Variants in AGK observed in about 807,000 individuals in gnomAD.
AGK encodes the protein acylglycerol kinase, mitochondrial.
In AGK, 52 loss-of-function variants were observed where a neutral mutation model predicts 66.4. The observed-to-expected ratio is 0.78, with a 90% CI of 0.63 to 0.99. The LOEUF is 0.99. Ranked by LOEUF, AGK falls within the 50% of genes least tolerant of loss-of-function variation. The probability of loss-of-function intolerance (pLI) is 0.00; values close to 1 mark genes in which losing one functional copy is unlikely to be tolerated. For missense variants in AGK, 451 were observed against 506.6 expected (o/e 0.89, Z 1.05); for synonymous variants, 182 against 181.1 (o/e 1.00, Z -0.04).
In AGK at chr7:141,578,155, C is replaced by T. The variant is rs186056758; in HGVS notation, c.102-14991C>T. Among the ~76,000 whole-genome samples the T allele has an allele frequency of 5.8e-3, 882 of 151,656 alleles. 12 individuals carry two copies. Among genetic ancestry groups the T allele is most frequent in the African/African-American group, 0.02 (835 of 41,066 alleles). On this transcript the variant is annotated intron_variant, in intron 2 of 15. Transcript: ENST00000649286. ...AGCTTTTTAATCACCTGGGTGCAGG[C>T]GGGCTGAGTCCAAAAAGAGAGTCAG...
At chr7:141,591,010 T>G (rs1796101684) in intron 2 of AGK, among the ~76,000 whole-genome samples, 1 of 151,982 alleles carries the variant, frequency 6.6e-6, no homozygotes, top group South Asian at 2.1e-4. Flanking sequence ...CTGAAAATCT[T>G]TGTTATCAAA....
chr7:141,591,082 G>GTTTT (rs60762855), intron 2 of AGK, among the ~76,000 whole-genome samples: 4 of 61,042 alleles, frequency 6.6e-5, no homozygotes, highest in African/African-American at 1.8e-4. Context: ...TTCTTAAGTT[G>GTTTT]TTTTTTTTTT....
chr7:141,641,768 T>C (rs1359036427), intron 12 of AGK, 43 bp from the exon 13 acceptor site: 9 of 1,516,138 alleles, frequency 5.9e-6, no homozygotes, highest in Middle Eastern at 2.0e-4. Flanking sequence ...GGTGGTGAAA[T>C]GTTAATGGAA....
chr7:141,555,376 A>T lies in AGK; in HGVS notation c.-14-77A>T. On this transcript the variant is annotated intron_variant, in intron 1 of 15. Coordinates refer to ENST00000649286, the MANE Select transcript of AGK (RefSeq NM_018238.4). This position sits in a 1 kb window ranked among gnomAD's most constrained non-coding sequence, Gnocchi z 4.2. ...GAGTGAGAGAGGATAAAAGAATGGA[A>T]GACAGAGTAATAGGGACATTACATG... 1.1e-6 allele frequency: 1 copy of T among 948,496 alleles called. No individual in the cohort carries two copies. The highest frequency in any genetic ancestry group is 2.7e-5 in the East Asian group (1 of 37,598). The allele number at this position is 948,496 out of a possible 1,614,324, so 58.8% of individuals were successfully genotyped here.
At chr7:141,593,053 G>C in intron 2 of AGK, 93 bp from the exon 3 acceptor site, 14 of 1,029,044 alleles carry the variant, frequency 1.4e-5, no homozygotes, top group Non-Finnish European at 2.1e-5. Flanking sequence ...TAGAGAAGAG[G>C]TGCCTATATT....
At chr7:141,582,668 G>A (rs1795905657) in intron 2 of AGK, among the ~76,000 whole-genome samples, 1 of 151,876 alleles carries the variant, frequency 6.6e-6, no homozygotes, top group African/African-American at 2.4e-5. Flanking sequence ...GGGAGAAGTT[G>A]GATAAATAAA....
intron 15 of AGK, 149 bp downstream of exon 15, chr7:141,651,758 T>A (rs1797566858): frequency 1.4e-6 from 1 of 723,288 alleles, no homozygotes; most frequent in Non-Finnish European, 2.4e-6. Context: ...CTGGGTCATA[T>A]TAGCGGGGAG....
At chr7:141,562,127 T>C in intron 2 of AGK, 1 of 455,318 alleles carries the variant, frequency 2.2e-6, no homozygotes, top group Non-Finnish European at 4.4e-6. Flanking sequence ...TGTGCTGGCT[T>C]TCTTGAATGC....
chr7:141,600,088 C>G (rs1796309953), intron 4 of AGK, among the ~76,000 whole-genome samples: 1 of 152,050 alleles, frequency 6.6e-6, no homozygotes, highest in Non-Finnish European at 1.5e-5. Context: ...TATAAAATAT[C>G]CTTAAATTCT....
intron 2 of AGK, among the ~76,000 whole-genome samples, chr7:141,556,486 A>G (rs895191282): frequency 1.3e-5 from 2 of 150,780 alleles, no homozygotes; most frequent in African/African-American, 2.4e-5. Flanking sequence ...GGTTGTGGTG[A>G]TCCCAGATCG....
chr7:141,589,500 G>C lies in AGK; in HGVS notation c.102-3646G>C, dbSNP rs375968355. ...ATGTGTTTGATTTTTAGGAATAGTC[G>C]GGTTCAGATAGCAAGATCAAGATGG... On this transcript the variant is annotated intron_variant, in intron 2 of 15. Transcript: ENST00000649286. Among the ~76,000 whole-genome samples the C allele has an allele frequency of 1.6e-3, 248 of 152,072 alleles. 7 individuals carry two copies. In the South Asian group the frequency reaches 0.039, roughly 24 times the overall value.
At chr7:141,647,892 A>G (rs1395028306) in intron 13 of AGK, among the ~76,000 whole-genome samples, 9 of 152,110 alleles carry the variant, frequency 5.9e-5, no homozygotes, top group Non-Finnish European at 1.5e-5. Context: ...GCTGGTCTCG[A>G]ACTCCTGACC....
intron 2 of AGK, among the ~76,000 whole-genome samples, chr7:141,575,654 C>CT (rs58292692): frequency 0.1 from 5,820 of 58,266 alleles, 999 homozygotes; most frequent in African/African-American, 0.14. Context: ...TTACAAAGGC[C>CT]TTTTTTTTTT....
In AGK at chr7:141,652,855, C is replaced by T. The variant is rs1329087297; in HGVS notation, c.1200C>T (p.Leu400=). ...CGATGCCTGTGGAGGTGAAACTGCT[C>T]CCCAGGAAGCTGCAGTTCTTCTGTG... The part of the protein sequence containing the change: ...YEAMPVEVKL[L]PRKLQFFCDP... Residue 400 remains leucine (L), a synonymous_variant, in exon 16 of 16, where the codon CTC becomes CTT. Coordinates refer to ENST00000649286, the MANE Select transcript of AGK (RefSeq NM_018238.4). The T allele has an allele frequency of 6.2e-6, 10 of 1,613,764 alleles. No individual in the cohort carries two copies. Among genetic ancestry groups the T allele is most frequent in the African/African-American group, 1.3e-5 (1 of 74,834 alleles).
intron 5 of AGK, among the ~76,000 whole-genome samples, chr7:141,606,876 T>A (rs1012061604): frequency 6.6e-5 from 10 of 152,172 alleles, no homozygotes; most frequent in Non-Finnish European, 1.2e-4. Flanking sequence ...TCACCATACT[T>A]TGCTATTTTT....
chr7:141,599,085 C>T (rs1796287830), intron 4 of AGK: 1 of 152,164 alleles, frequency 6.6e-6, no homozygotes, highest in Admixed American at 6.6e-5. Flanking sequence ...CTGCGTGCTT[C>T]TGGGAAAGTC....
chr7:141,585,706 A>G lies in AGK; in HGVS notation c.102-7440A>G, dbSNP rs149074927. Among the ~76,000 whole-genome samples the G allele has an allele frequency of 3.2e-3, 489 of 152,312 alleles. 4 individuals carry two copies. Among genetic ancestry groups the G allele is most frequent in the African/African-American group, 0.011 (470 of 41,558 alleles). ...ATTTTACAGTCCTAAAGTAATAAAT[A>G]AAACATTTATGACTTGGAATAAATT... On this transcript the variant is annotated intron_variant, in intron 2 of 15. Transcript: ENST00000649286.
At chr7:141,577,625 C>G (rs1419524734) in intron 2 of AGK, among the ~76,000 whole-genome samples, 1 of 152,084 alleles carries the variant, frequency 6.6e-6, no homozygotes, top group East Asian at 1.9e-4. Context: ...GACTGAATTC[C>G]AGGTTCCGCC....
chr7:141,570,025 A>G (rs1795565333), intron 2 of AGK, among the ~76,000 whole-genome samples: 1 of 152,140 alleles, frequency 6.6e-6, no homozygotes, highest in Admixed American at 6.5e-5. Context: ...CTTCACTTTT[A>G]TTTACCTGTG....
Sources: allele counts gnomAD v4.1 joint callset (sites outside exome capture counted in the v4.1 genomes callset), GRCh38; gene constraint gnomAD v4.1.1; non-coding constraint Gnocchi (gnomAD v3.1); transcripts MANE v1.5; gene names NCBI Gene and HGNC (gene_info 2026-07-23, HGNC 2026-07-21).